Variants in DCAF6 observed in about 807,000 individuals in gnomAD.
The protein encoded by DCAF6 is DDB1 and CUL4 associated factor 6.
Under a neutral mutation model 125.1 loss-of-function variants are expected in DCAF6, and 54 were observed. The observed-to-expected ratio is 0.43, with a 90% CI of 0.35 to 0.54. The LOEUF (loss-of-function observed/expected upper bound fraction) is 0.54. DCAF6 is among the 20% of genes least tolerant of loss of function. DCAF6 has a pLI of 0.01. For synonymous variants in DCAF6, 371 were observed against 390.4 expected, an observed-to-expected ratio of 0.95 and a Z score of 0.58; for missense variants, 934 against 1,161.7, an observed-to-expected ratio of 0.80 and a Z score of 2.85.
the DCAF6 span, among the ~76,000 whole-genome samples, chr1:167,868,981 G>A: frequency 1.3e-5 from 2 of 152,124 alleles, no homozygotes; most frequent in South Asian, 2.1e-4. Flanking sequence ...ATTGGCTCTC[G>A]ACTACTTCTA....
intron 4 of DCAF6, among the ~76,000 whole-genome samples, chr1:167,985,851 C>T (rs1679928174): frequency 6.6e-6 from 1 of 152,118 alleles, no homozygotes; most frequent in Non-Finnish European, 1.5e-5. Context: ...GCATCTAGAA[C>T]AAGAAACAGC....
chr1:167,875,205 GAACAGATGCTAGATTCAAA>G, the DCAF6 span: 1 of 1,612,780 alleles, frequency 6.2e-7, no homozygotes, highest in Non-Finnish European at 8.5e-7. Flanking sequence ...AAGAACAAAA[GAACAGATGCTAGATTCAAA>G]ACAGGGACAT....
chr1:167,979,360 A>G (rs1678748448), intron 4 of DCAF6, among the ~76,000 whole-genome samples: 1 of 152,078 alleles, frequency 6.6e-6, no homozygotes, highest in Non-Finnish European at 1.5e-5. Context: ...CTCTGCATCT[A>G]TCAACAGCTC....
intron 10 of DCAF6, among the ~76,000 whole-genome samples, chr1:168,006,894 A>G (rs1014750175): frequency 7.2e-5 from 11 of 152,170 alleles, no homozygotes; most frequent in Non-Finnish European, 1.5e-4. Context: ...GGTTGAACCT[A>G]ATTGTCTGCC....
the DCAF6 span, among the ~76,000 whole-genome samples, chr1:167,890,910 A>T: frequency 2.0e-5 from 3 of 152,156 alleles, no homozygotes; most frequent in African/African-American, 7.2e-5. Flanking sequence ...GGACACAATA[A>T]ACTAGAATCC....
intron 4 of DCAF6, among the ~76,000 whole-genome samples, chr1:167,986,185 A>G (rs796912105): frequency 1.5e-4 from 23 of 152,328 alleles, no homozygotes; most frequent in African/African-American, 5.5e-4. Context: ...ATTCTAGTGC[A>G]TGTTTTTACA....
chr1:167,968,117 T>C (rs1460020074), intron 3 of DCAF6, among the ~76,000 whole-genome samples: 1 of 152,144 alleles, frequency 6.6e-6, no homozygotes, highest in African/African-American at 2.4e-5. Context: ...TTTTTTATGG[T>C]AGTAGCAACC....
intron 1 of DCAF6, chr1:167,937,257 T>A: frequency 3.6e-6 from 2 of 560,084 alleles, no homozygotes; most frequent in East Asian, 6.4e-5. Context: ...CAGAAGGTAC[T>A]GGCTTGTAAA....
At chr1:167,987,232 A>G (rs922025943) in intron 4 of DCAF6, among the ~76,000 whole-genome samples, 5 of 152,218 alleles carry the variant, frequency 3.3e-5, no homozygotes, top group Non-Finnish European at 7.3e-5. Context: ...TTAGAAGTTT[A>G]TAACTTCAGA....
At chr1:167,941,626 G>A (rs1034789329) in intron 1 of DCAF6, among the ~76,000 whole-genome samples, 8 of 152,012 alleles carry the variant, frequency 5.3e-5, no homozygotes, top group African/African-American at 1.9e-4. Context: ...GCACTAATGA[G>A]TCTCAGCTTG....
the DCAF6 span, among the ~76,000 whole-genome samples, chr1:167,911,718 C>T: frequency 6.6e-6 from 1 of 152,220 alleles, no homozygotes; most frequent in Non-Finnish European, 1.5e-5. Flanking sequence ...AATGCCCTTA[C>T]TAAATAAATT....
intron 17 of DCAF6, among the ~76,000 whole-genome samples, chr1:168,053,228 A>G (rs905820763): frequency 6.6e-6 from 1 of 152,180 alleles, no homozygotes; most frequent in African/African-American, 2.4e-5. Context: ...ATCACAGTGC[A>G]TTGTATATTT....
chr1:168,054,475 C>T (rs1000638233), intron 17 of DCAF6, among the ~76,000 whole-genome samples: 1 of 152,210 alleles, frequency 6.6e-6, no homozygotes, highest in African/African-American at 2.4e-5. Context: ...AAGACCCCAC[C>T]TCTCAGTACT....
chr1:168,035,127 A>T (rs891166871), intron 12 of DCAF6, among the ~76,000 whole-genome samples: 9 of 152,148 alleles, frequency 5.9e-5, no homozygotes, highest in Non-Finnish European at 1.2e-4. Context: ...GATGAATTTA[A>T]ACCTTGGAAT....
intron 18 of DCAF6, among the ~76,000 whole-genome samples, chr1:168,065,104 C>T (rs1692158664): frequency 6.6e-6 from 1 of 152,140 alleles, no homozygotes. Context: ...TGCCATTATA[C>T]TGCCCAAAAC....
intron 20 of DCAF6, among the ~76,000 whole-genome samples, chr1:168,067,607 A>G (rs748816059): frequency 8.5e-5 from 13 of 152,206 alleles, no homozygotes; most frequent in Non-Finnish European, 1.9e-4. Context: ...TACATGCACA[A>G]AAGTAGCTTA....
intron 12 of DCAF6, among the ~76,000 whole-genome samples, chr1:168,032,077 AATT>A (rs1687171598): frequency 6.6e-6 from 1 of 152,228 alleles, no homozygotes; most frequent in African/African-American, 2.4e-5. Flanking sequence ...CTTGGGTTAA[AATT>A]ATTATAATTG....
At chr1:167,902,829 A>T in the DCAF6 span, among the ~76,000 whole-genome samples, 1 of 152,246 alleles carries the variant, frequency 6.6e-6, no homozygotes, top group African/African-American at 2.4e-5. Flanking sequence ...TAAAGTTTTC[A>T]GTTCACTCTA....
chr1:168,031,299 A>G (rs1392320973), intron 12 of DCAF6, among the ~76,000 whole-genome samples: 1 of 152,218 alleles, frequency 6.6e-6, no homozygotes, highest in Non-Finnish European at 1.5e-5. Flanking sequence ...GAGAAGAAGC[A>G]ACTAGAGAGG....
Sources: allele counts gnomAD v4.1 joint callset (sites outside exome capture counted in the v4.1 genomes callset), GRCh38; gene constraint gnomAD v4.1.1; transcripts MANE v1.5; gene names NCBI Gene and HGNC (gene_info 2026-07-23, HGNC 2026-07-21).